Variants in DSCAML1 observed in about 807,000 individuals in gnomAD.
DSCAML1 encodes the protein DS cell adhesion molecule like 1, also known as cell adhesion molecule DSCAML1.
In DSCAML1, 38 loss-of-function variants were observed where a neutral mutation model predicts 200.5. That is an observed-to-expected ratio of 0.19 (90% CI 0.15 to 0.25). The LOEUF is 0.25. Among genes scored for constraint, DSCAML1 ranks in the 10% least tolerant of loss-of-function variants. The pLI, the probability that DSCAML1 is intolerant of heterozygous loss-of-function variation, is 1.00. For missense variants in DSCAML1, 2,223 were observed against 2,858.8 expected (o/e 0.78, Z 5.07); for synonymous variants, 1,215 against 1,165.0 (o/e 1.04, Z -0.87).
intron 3 of DSCAML1, among the ~76,000 whole-genome samples, chr11:117,655,652 A>G (rs1042660315): frequency 5.9e-5 from 9 of 152,216 alleles, no homozygotes; most frequent in Non-Finnish European, 1.3e-4. Context: ...TGCTTTGTGG[A>G]AGGGCAATCT....
At chr11:117,640,471 G>A (rs2052385151) in intron 3 of DSCAML1, among the ~76,000 whole-genome samples, 1 of 152,200 alleles carries the variant, frequency 6.6e-6, no homozygotes, top group Admixed American at 6.5e-5. Context: ...AGAGGCAAGT[G>A]TCATAGTCAG....
At chr11:117,729,210 T>C (rs994250595) in intron 3 of DSCAML1, among the ~76,000 whole-genome samples, 1 of 152,222 alleles carries the variant, frequency 6.6e-6, no homozygotes, top group Non-Finnish European at 1.5e-5. Flanking sequence ...AGCAACTGGA[T>C]ATCCACATGC....
chr11:117,456,485 C>A (rs1354469553), intron 19 of DSCAML1, among the ~76,000 whole-genome samples: 1 of 152,138 alleles, frequency 6.6e-6, no homozygotes, highest in African/African-American at 2.4e-5. Flanking sequence ...TGGAAAGTAG[C>A]TTTCACTCTG....
At chr11:117,464,123 G>C (rs546951167) in intron 17 of DSCAML1, among the ~76,000 whole-genome samples, 1 of 152,126 alleles carries the variant, frequency 6.6e-6, no homozygotes, top group Non-Finnish European at 1.5e-5. Flanking sequence ...TGTTGGTTTC[G>C]CTCTGTTGGG....
chr11:117,726,032 C>T (rs1304673217), intron 3 of DSCAML1, among the ~76,000 whole-genome samples: 1 of 152,130 alleles, frequency 6.6e-6, no homozygotes, highest in Admixed American at 6.5e-5. Flanking sequence ...GGTCAGGCAG[C>T]CAGGCTGGCC....
intron 19 of DSCAML1, among the ~76,000 whole-genome samples, chr11:117,455,755 G>A (rs2048357326): frequency 6.6e-6 from 1 of 152,130 alleles, no homozygotes; most frequent in Non-Finnish European, 1.5e-5. Context: ...GGCTGGACTT[G>A]GACCACAGAT....
chr11:117,589,333 A>T (rs779142680), intron 3 of DSCAML1, among the ~76,000 whole-genome samples: 4 of 152,200 alleles, frequency 2.6e-5, no homozygotes, highest in Non-Finnish European at 4.4e-5. Context: ...TTATTTATTC[A>T]AAACAAACAC....
rs1336311444 is a variant in DSCAML1 at position 117,433,429 on chromosome 11, G to A, written c.4907+12C>T. Reference sequence around the variant, plus strand: ...GAAGGGAGGAGAAAGGAAGCAGCTTGGTGATACCCACCTTATCAACATTTC... The same window carrying A: ...GAAGGGAGGAGAAAGGAAGCAGCTTAGTGATACCCACCTTATCAACATTTC... On this transcript the variant is annotated intron_variant, in intron 28 of 32. Coordinates refer to ENST00000651296, the MANE Select transcript of DSCAML1 (RefSeq NM_020693.4). The A allele has an allele frequency of 1.9e-6, 3 of 1,613,284 alleles. No individual in the cohort carries two copies. Among genetic ancestry groups the A allele is most frequent in the Admixed American group, 3.3e-5 (2 of 59,978 alleles).
chr11:117,780,217 G>GAGAGAA lies in DSCAML1; in HGVS notation c.364+275_364+276insTTCTCT, dbSNP rs10636580. Reference sequence around the variant, plus strand: ...AAAGAAAGAGAAAGAAAGAGAGAGAGAGAAAGAAAGAAAGGAAAGAAAGAA... The same window carrying GAGAGAA: ...AAAGAAAGAGAAAGAAAGAGAGAGAGAGAGAAAGAAAGAAAGAAAGGAAAGAAAGAA... On this transcript the variant is annotated intron_variant, in intron 2 of 32. Coordinates refer to ENST00000651296, the MANE Select transcript of DSCAML1 (RefSeq NM_020693.4). The surrounding 1 kb of genome is among the most constrained non-coding windows in gnomAD (Gnocchi z 4.8). 0.3 allele frequency among the ~76,000 whole-genome samples: 21,760 copies of GAGAGAA among 73,660 alleles called. 4,043 individuals carry two copies. Among genetic ancestry groups the GAGAGAA allele is most frequent in the East Asian group, 0.41 (1,008 of 2,488 alleles). The allele number at this position is 73,660 out of a possible 152,430, so 48.3% of individuals were successfully genotyped here. A position where few individuals can be genotyped will look rare whatever the true frequency, so the allele number is the denominator to read the frequency against.
At chr11:117,530,890 A>C (rs1394043308) in intron 4 of DSCAML1, among the ~76,000 whole-genome samples, 1 of 152,182 alleles carries the variant, frequency 6.6e-6, no homozygotes, top group Non-Finnish European at 1.5e-5. Flanking sequence ...CTTAGCGTTC[A>C]TCCCCGTTCC....
At chr11:117,711,217 A>C (rs757355136) in intron 3 of DSCAML1, among the ~76,000 whole-genome samples, 1 of 152,090 alleles carries the variant, frequency 6.6e-6, no homozygotes, top group Non-Finnish European at 1.5e-5. Context: ...AAAGCAAATG[A>C]GGTTGATGGA....
intron 11 of DSCAML1, among the ~76,000 whole-genome samples, chr11:117,500,579 C>T (rs1205789141): frequency 3.3e-5 from 5 of 152,116 alleles, no homozygotes. Flanking sequence ...TTGTCCTGGA[C>T]CTCACAGCTA....
In DSCAML1 at chr11:117,503,392, C is replaced by G. The variant is rs1408945553; in HGVS notation, c.2359+453G>C. ...AGGTCACTCAGCTCATCAGGCTGAT[C>G]TGGAATTGGAACCCAGGTTTTCTGA... On this transcript the variant is annotated intron_variant, in intron 11 of 32. Coordinates refer to ENST00000651296, the MANE Select transcript of DSCAML1 (RefSeq NM_020693.4). This position sits in a 1 kb window ranked among gnomAD's most constrained non-coding sequence, Gnocchi z 5.2. 6.6e-6 allele frequency among the ~76,000 whole-genome samples: 1 copy of G among 152,188 alleles called. No individual in the cohort carries two copies. Among genetic ancestry groups the G allele is most frequent in the East Asian group, 1.9e-4 (1 of 5,190 alleles).
chr11:117,480,829 C>T lies in DSCAML1; in HGVS notation c.2657-258G>A, dbSNP rs147937215. Among the ~76,000 whole-genome samples, 17 of 152,100 alleles carry T rather than the reference C, an allele frequency of 1.1e-4. No homozygotes were observed. The highest frequency in any genetic ancestry group is 3.9e-4 in the African/African-American group (16 of 41,412). ...TTCTGCAGGGATTCCTGTTAGCTGA[C>T]GGCATTTTTCCCCTTCCAACTTCCC... On this transcript the variant is annotated intron_variant, in intron 13 of 32. Transcript: ENST00000651296. This position sits in a 1 kb window ranked among gnomAD's most constrained non-coding sequence, Gnocchi z 4.1.
At chr11:117,737,641 A>G (rs185988190) in intron 3 of DSCAML1, among the ~76,000 whole-genome samples, 124 of 152,342 alleles carry the variant, frequency 8.1e-4, no homozygotes, top group Admixed American at 1.6e-3. Context: ...TGCTAAAATG[A>G]TGGTACATCA....
intron 3 of DSCAML1, among the ~76,000 whole-genome samples, chr11:117,622,161 A>AT (rs975467471): frequency 1.7e-4 from 26 of 151,746 alleles, no homozygotes; most frequent in Non-Finnish European, 2.6e-4. Context: ...TTAATACCAG[A>AT]TTTTTTTTCC....
At chr11:117,592,866 G>A (rs929048619) in intron 3 of DSCAML1, among the ~76,000 whole-genome samples, 1 of 152,194 alleles carries the variant, frequency 6.6e-6, no homozygotes, top group African/African-American at 2.4e-5. Context: ...TGCACTGAAC[G>A]CTGCCCCAGT....
intron 3 of DSCAML1, among the ~76,000 whole-genome samples, chr11:117,575,677 A>C (rs1020284828): frequency 6.6e-6 from 1 of 152,064 alleles, no homozygotes; most frequent in Non-Finnish European, 1.5e-5. Context: ...AATAAAAAAA[A>C]CCCAAAGGCT....
Position 117,629,253 on chromosome 11 carries a change from C to T in DSCAML1, c.512-96731G>A, listed in dbSNP as rs566402231. ...ATATGTCACTGTCTGGAGGCTGAAG[C>T]GGGGAGGTACATGTGGGGTGTGAGA... On this transcript the variant is annotated intron_variant, in intron 3 of 32. Transcript: ENST00000651296. 3.3e-5 allele frequency among the ~76,000 whole-genome samples: 5 copies of T among 152,252 alleles called. No homozygotes were observed. In the South Asian group the frequency reaches 6.2e-4, roughly 19 times the overall value.
Sources: allele counts gnomAD v4.1 joint callset (sites outside exome capture counted in the v4.1 genomes callset), GRCh38; gene constraint gnomAD v4.1.1; non-coding constraint Gnocchi (gnomAD v3.1); transcripts MANE v1.5; gene names NCBI Gene and HGNC (gene_info 2026-07-23, HGNC 2026-07-21).